ARPP21: variants seen among roughly 807,000 people sequenced by gnomAD.
ARPP21 encodes the protein cAMP-regulated phosphoprotein 21.
A neutral mutation model predicts 113.2 loss-of-function variants in ARPP21; 69 were observed. That is an observed-to-expected ratio of 0.61 (90% confidence interval 0.50 to 0.74). The LOEUF is 0.74. ARPP21 is among the 30% of genes least tolerant of loss of function. The pLI is 0.00. For missense variants in ARPP21, 1,070 were observed against 1,037.4 expected (o/e 1.03, Z -0.43); for synonymous variants, 368 against 375.5 (o/e 0.98, Z 0.23).
At chr3:35,758,641 C>T (rs2095656781) in intron 19 of ARPP21, among the ~76,000 whole-genome samples, 1 of 151,968 alleles carries the variant, frequency 6.6e-6, no homozygotes, top group Non-Finnish European at 1.5e-5. Flanking sequence ...CCCTTCAGCC[C>T]TGCTGTTTGC....
At chr3:35,701,537 G>A (rs115786705) in intron 9 of ARPP21, among the ~76,000 whole-genome samples, 1,957 of 151,522 alleles carry the variant, frequency 0.013, 44 homozygotes, top group African/African-American at 0.044. Flanking sequence ...TCTGAATTGC[G>A]GGTGATTACT....
At chr3:35,766,333 C>T (rs934508533) in intron 19 of ARPP21, among the ~76,000 whole-genome samples, 1 of 152,054 alleles carries the variant, frequency 6.6e-6, no homozygotes, top group African/African-American at 2.4e-5. Context: ...TTGAATGCAG[C>T]ATGGAGGTGC....
chr3:35,772,423 G>A (rs994386236), intron 19 of ARPP21, among the ~76,000 whole-genome samples: 13 of 152,086 alleles, frequency 8.5e-5, no homozygotes, highest in Non-Finnish European at 1.6e-4. Flanking sequence ...AGGAAACTGA[G>A]GCCAAAAAAA....
At chr3:35,710,378 G>A (rs1035725942) in intron 11 of ARPP21, among the ~76,000 whole-genome samples, 2 of 152,162 alleles carry the variant, frequency 1.3e-5, no homozygotes, top group Non-Finnish European at 2.9e-5. Context: ...CAAGAATGAA[G>A]TGATGAGATG....
At chr3:35,676,904 T>C (rs571506156) in intron 1 of ARPP21, among the ~76,000 whole-genome samples, 1 of 152,064 alleles carries the variant, frequency 6.6e-6, no homozygotes, top group South Asian at 2.1e-4. Context: ...GCAATATTTA[T>C]ATATCTATGT....
intron 19 of ARPP21, among the ~76,000 whole-genome samples, chr3:35,786,614 T>A (rs764911991): frequency 6.6e-6 from 1 of 152,038 alleles, no homozygotes; most frequent in Non-Finnish European, 1.5e-5. Flanking sequence ...TCACACCTTG[T>A]TTATCAAAGT....
intron 9 of ARPP21, among the ~76,000 whole-genome samples, chr3:35,703,933 C>T (rs1261017244): frequency 6.6e-6 from 1 of 151,702 alleles, no homozygotes; most frequent in Non-Finnish European, 1.5e-5. Context: ...GGTACATTAC[C>T]AGTAATACCA....
chr3:35,668,025 A>AGAG (rs1491094909), intron 1 of ARPP21, among the ~76,000 whole-genome samples: 4 of 147,632 alleles, frequency 2.7e-5, no homozygotes, highest in East Asian at 4.0e-4. Context: ...AAGAAGAAGA[A>AGAG]GAAGAAGGAG....
intron 19 of ARPP21, among the ~76,000 whole-genome samples, chr3:35,779,170 T>C (rs988019739): frequency 5.3e-5 from 8 of 152,154 alleles, no homozygotes; most frequent in African/African-American, 1.9e-4. Context: ...ATTAGGTAAG[T>C]CCACTTCACA....
chr3:35,674,656 T>A (rs763950217), intron 1 of ARPP21, among the ~76,000 whole-genome samples: 1 of 151,820 alleles, frequency 6.6e-6, no homozygotes, highest in African/African-American at 2.4e-5. Context: ...GGCAGCTAGA[T>A]CTCAGACAAC....
chr3:35,663,233 G>A (rs912473899), intron 1 of ARPP21, among the ~76,000 whole-genome samples: 1 of 152,052 alleles, frequency 6.6e-6, no homozygotes, highest in African/African-American at 2.4e-5. Flanking sequence ...GTGTATTGCT[G>A]CTAGGGAGAA....
chr3:35,748,316 AAG>A, intron 19 of ARPP21, among the ~76,000 whole-genome samples: 1 of 150,634 alleles, frequency 6.6e-6, no homozygotes, highest in African/African-American at 2.4e-5. Flanking sequence ...GAAAGAAAGA[AAG>A]AAAAAGAAAG....
In ARPP21 at chr3:35,692,156, T is replaced by G. The variant is rs568851693; in HGVS notation, c.686+1151T>G. Among the ~76,000 whole-genome samples, 162 of 151,816 alleles carry G rather than the reference T, an allele frequency of 1.1e-3. 1 individual carries two copies. The highest frequency in any genetic ancestry group is 3.8e-3 in the African/African-American group (157 of 41,504). ...TCAAATTACTTATATATCTGCAGGA[T>G]AGTTTGAACTGAATCGTGTTTAAGG... On this transcript the variant is annotated intron_variant, in intron 9 of 20. Transcript: ENST00000684406.
intron 19 of ARPP21, among the ~76,000 whole-genome samples, chr3:35,764,536 C>T (rs1324523015): frequency 2.0e-5 from 3 of 152,036 alleles, no homozygotes; most frequent in Non-Finnish European, 2.9e-5. Context: ...CATGCATTCC[C>T]GAGGTGAGAT....
At position 35,727,650 on chromosome 3, in the gene ARPP21, ATAG is replaced by A. The variant is rs1374295609; in HGVS notation, c.1226-1651_1226-1649del. Among the ~76,000 whole-genome samples the A allele has an allele frequency of 6.0e-3, 914 of 152,356 alleles. 6 individuals are homozygous for A. The highest frequency in any genetic ancestry group is 0.021 in the African/African-American group (873 of 41,574). On this transcript the variant is annotated intron_variant, in intron 14 of 20. Transcript: ENST00000684406. Reference sequence around the variant, plus strand: ...GAATGCATTTTTAATAACATAATCAATAGTGTAGGCTGATGATTTAATCAACCT... The same window carrying A: ...GAATGCATTTTTAATAACATAATCAATGTAGGCTGATGATTTAATCAACCT...
At chr3:35,779,057 C>A (rs2096460021) in intron 19 of ARPP21, among the ~76,000 whole-genome samples, 2 of 152,110 alleles carry the variant, frequency 1.3e-5, no homozygotes, top group Non-Finnish European at 2.9e-5. Flanking sequence ...CCATTTTTTA[C>A]AACTCATACA....
intron 1 of ARPP21, among the ~76,000 whole-genome samples, chr3:35,673,446 A>G (rs2076807717): frequency 6.6e-6 from 1 of 151,978 alleles, no homozygotes. Context: ...TTAAACTTCT[A>G]TGTTGATTCC....
intron 3 of ARPP21, among the ~76,000 whole-genome samples, 169 bp downstream of exon 3, chr3:35,682,049 A>G (rs984242496): frequency 1.3e-5 from 2 of 151,800 alleles, no homozygotes; most frequent in Non-Finnish European, 2.9e-5. Flanking sequence ...TCCTAACCCA[A>G]CCGTGCTCTA....
intron 19 of ARPP21, among the ~76,000 whole-genome samples, chr3:35,768,647 A>C (rs1163908723): frequency 6.6e-6 from 1 of 152,150 alleles, no homozygotes; most frequent in African/African-American, 2.4e-5. Context: ...TTTTTACTAA[A>C]AATCCCATTT....
Sources: allele counts gnomAD v4.1 joint callset (sites outside exome capture counted in the v4.1 genomes callset), GRCh38; gene constraint gnomAD v4.1.1; transcripts MANE v1.5; gene names NCBI Gene and HGNC (gene_info 2026-07-23, HGNC 2026-07-21).